The following POLR1D variants were observed in gnomAD, a reference collection of about 807,000 sequenced individuals.
POLR1D encodes the protein RNA polymerase I and III subunit D.
POLR1D carries 8 observed loss-of-function variants against 10.8 expected under a neutral mutation model. The observed-to-expected ratio is 0.74, with a 90% CI of 0.43 to 1.33. The LOEUF is 1.33. Ranked by LOEUF, POLR1D falls within the 40% of genes most tolerant of loss-of-function variation. The pLI is 0.01. For missense variants in POLR1D, 152 were observed against 161.7 expected (o/e 0.94, Z 0.32); for synonymous variants, 54 against 57.2 (o/e 0.94, Z 0.25).
rs559182772 is a variant in POLR1D at position 27,663,743 on chromosome 13, G to T, written c.102-1943G>T. Among the ~76,000 whole-genome samples, 1 of 152,108 alleles carries T rather than the reference G, an allele frequency of 6.6e-6. No homozygotes were observed. Among genetic ancestry groups the T allele is most frequent in the East Asian group, 1.9e-4 (1 of 5,146 alleles). Reference sequence around the variant, plus strand: ...GTACCCTTCCTTGTTGTTTAATGCAGAGAAGAACTGGCCAGTTTACCACCA... The same window carrying T: ...GTACCCTTCCTTGTTGTTTAATGCATAGAAGAACTGGCCAGTTTACCACCA... On this transcript the variant is annotated intron_variant, in intron 2 of 2. Transcript: ENST00000399697. This position sits in a 1 kb window ranked among gnomAD's most constrained non-coding sequence, Gnocchi z 4.1.
exon 3 of POLR1D, chr13:27,665,871 G>T (rs768190130): frequency 1.2e-6 from 2 of 1,614,142 alleles, no homozygotes; most frequent in Admixed American, 1.7e-5. Context: ...CACAGCTTCC[G>T]CGCTCGAGGT....
chr13:27,665,745 CATTGCCCTCTCATAAA>C lies in POLR1D; in HGVS notation c.162_177del (p.Leu55SerfsTer88). On this transcript the variant is annotated frameshift_variant, in exon 3 of 3. Transcript: ENST00000399697. LOFTEE classifies it low-confidence loss of function (END_TRUNC). ...TTTCTAATTAACACAATTAAAAACA[CATTGCCCTCTCATAAA>C]GAGCAAGACCATGAACAAAAAGAGG... 3 of 1,612,994 alleles carry C rather than the reference CATTGCCCTCTCATAAA, an allele frequency of 1.9e-6. No homozygotes were observed. The highest frequency in any genetic ancestry group is 2.5e-6 in the Non-Finnish European group (3 of 1,178,904).
At chr13:27,644,560 C>T (rs1332424986) in intron 1 of POLR1D, among the ~76,000 whole-genome samples, 1 of 152,174 alleles carries the variant, frequency 6.6e-6, no homozygotes, top group Non-Finnish European at 1.5e-5. Flanking sequence ...TGGTTTGTTC[C>T]TGTGCCCAGA....
intron 2 of POLR1D, among the ~76,000 whole-genome samples, chr13:27,657,551 T>C (rs561658128): frequency 6.6e-6 from 1 of 152,058 alleles, no homozygotes; most frequent in South Asian, 2.1e-4. Flanking sequence ...GAATAAAAAA[T>C]AAAAATACAC....
intron 1 of POLR1D, among the ~76,000 whole-genome samples, chr13:27,643,397 C>T (rs1346780751): frequency 6.6e-6 from 1 of 152,114 alleles, no homozygotes; most frequent in African/African-American, 2.4e-5. Context: ...ATACATGACC[C>T]CAGACAATCT....
chr13:27,628,200 A>G (rs1419672943), downstream of POLR1D, among the ~76,000 whole-genome samples: 1 of 152,208 alleles, frequency 6.6e-6, no homozygotes, highest in Non-Finnish European at 1.5e-5. Flanking sequence ...AGAAGAGGCG[A>G]TCAGGGCAGT....
chr13:27,637,002 C>T (rs913191452), intron 1 of POLR1D, among the ~76,000 whole-genome samples: 1 of 152,162 alleles, frequency 6.6e-6, no homozygotes, highest in Non-Finnish European at 1.5e-5. Flanking sequence ...GGCTCTAGAA[C>T]ATGCTTTCAC....
At chr13:27,660,241 T>A (rs1465870211) in intron 2 of POLR1D, among the ~76,000 whole-genome samples, 1 of 152,148 alleles carries the variant, frequency 6.6e-6, no homozygotes, top group Non-Finnish European at 1.5e-5. Flanking sequence ...ATAAAAAATA[T>A]TCCCCTTGTT....
chr13:27,622,912 G>T lies in POLR1D; in HGVS notation c.64G>T (p.Glu22Ter). The change falls in exon 2 of 2, where the codon GAG becomes TAG. Residue 22 changes from glutamate (E) to a stop codon, truncating the protein, a stop_gained. Coordinates refer to ENST00000302979, the MANE Select transcript of POLR1D (RefSeq NM_015972.4). LOFTEE classifies it high-confidence loss of function. Reference sequence around the variant, plus strand: ...ATTGAAGACCTCAATGGCTGAAGGCGAGAGGAAGACAGCCCTGGAAATGGT... The same window carrying T: ...ATTGAAGACCTCAATGGCTGAAGGCTAGAGGAAGACAGCCCTGGAAATGGT... ...SGLKTSMAEG[E>*]RKTALEMVQA... The T allele has an allele frequency of 6.2e-7, 1 of 1,611,230 alleles. No individual in the cohort carries two copies. The highest frequency in any genetic ancestry group is 8.5e-7 in the Non-Finnish European group (1 of 1,177,388).
rs528297415 is a variant in POLR1D, at chr13:27,659,925, T to TATATATAC, written c.102-5760_102-5759insTATATACA. On this transcript the variant is annotated intron_variant, in intron 2 of 2. Transcript: ENST00000399697. ...TCAGGTGTATATATATATATATATATACACACACATACACACACACACATA... is the reference window on the plus strand; with the variant it reads ...TCAGGTGTATATATATATATATATATATATATACACACACACATACACACACACACATA... Among the ~76,000 whole-genome samples, 74 of 149,484 alleles carry TATATATAC rather than the reference T, an allele frequency of 5.0e-4. 2 individuals are homozygous for TATATATAC. In the South Asian group the frequency reaches 6.1e-3, roughly 12 times the overall value.
intron 1 of POLR1D, among the ~76,000 whole-genome samples, chr13:27,637,687 T>C (rs1226576084): frequency 6.6e-6 from 1 of 152,186 alleles, no homozygotes; most frequent in African/African-American, 2.4e-5. Context: ...AATTACCTTG[T>C]CCTACTTAAT....
At chr13:27,623,473 A>G (rs540211866), downstream of POLR1D, 54 of 930,824 alleles carry the variant, frequency 5.8e-5, no homozygotes, top group Non-Finnish European at 7.7e-5. Context: ...TTTCTGTTCC[A>G]TGCAACCAAA....
At chr13:27,659,480 T>C (rs1214483380) in intron 2 of POLR1D, among the ~76,000 whole-genome samples, 1 of 152,176 alleles carries the variant, frequency 6.6e-6, no homozygotes, top group African/African-American at 2.4e-5. Context: ...CCTAAAGCCC[T>C]GGCTAGCGAA....
At chr13:27,632,074 T>G (rs1219511495) in intron 1 of POLR1D, among the ~76,000 whole-genome samples, 1 of 152,188 alleles carries the variant, frequency 6.6e-6, no homozygotes, top group Non-Finnish European at 1.5e-5. Context: ...TTCATTTTTG[T>G]CTTCTCTGTG....
intron 1 of POLR1D, among the ~76,000 whole-genome samples, chr13:27,638,311 T>C (rs899052473): frequency 2.6e-5 from 4 of 152,232 alleles, no homozygotes; most frequent in South Asian, 4.1e-4. Context: ...TCCCATCTCA[T>C]TGTGTATTGC....
rs1319630635 is a variant in POLR1D at position 27,622,026 on chromosome 13, A to C, written c.26+17A>C. ...GCTGGAGAGGTAACGGCCGAGGAGG[A>C]GGCGGGCGGAGCGGGCCGCGCCCAA... On this transcript the variant is annotated intron_variant, in intron 1 of 1. Coordinates refer to ENST00000302979, the MANE Select transcript of POLR1D (RefSeq NM_015972.4). 4 of 1,575,770 alleles carry C rather than the reference A, an allele frequency of 2.5e-6. No homozygotes were observed. The highest frequency in any genetic ancestry group is 3.4e-6 in the Non-Finnish European group (4 of 1,160,948).
intron 1 of POLR1D, among the ~76,000 whole-genome samples, chr13:27,630,000 C>G (rs1193082718): frequency 6.6e-6 from 1 of 152,186 alleles, no homozygotes; most frequent in Non-Finnish European, 1.5e-5. Context: ...CAACCTCCGC[C>G]TCCTGGGTTC....
rs984318700 is a variant in POLR1D at position 27,663,898 on chromosome 13, C to G, written c.102-1788C>G. The stretch of plus-strand genomic sequence containing the variant: ...ATTTGTCTATAAAAAAGATTTTGCT[C>G]TTGTAGTAAGCACCAGGCCACCATT... On this transcript the variant is annotated intron_variant, in intron 2 of 2. Transcript: ENST00000399697. The surrounding 1 kb of genome is among the most constrained non-coding windows in gnomAD (Gnocchi z 4.1). 1.3e-5 allele frequency among the ~76,000 whole-genome samples: 2 copies of G among 152,190 alleles called. No individual in the cohort carries two copies. The highest frequency in any genetic ancestry group is 4.8e-5 in the African/African-American group (2 of 41,442).
In POLR1D at chr13:27,647,008, T is replaced by C. The variant is rs534966652; in HGVS notation, c.27-1371T>C. Among the ~76,000 whole-genome samples the C allele has an allele frequency of 5.1e-4, 77 of 152,340 alleles. 1 individual carries two copies. In the South Asian group the frequency reaches 7.5e-3, roughly 15 times the overall value. On this transcript the variant is annotated intron_variant, in intron 1 of 2. Transcript: ENST00000399697. ...ACATTTTAATATAGACTCTATATAA[T>C]TATCCAGCTTCAAAAATTCATGATT...
Sources: gnomAD v4.1 joint callset for allele counts (sites outside exome capture counted in the v4.1 genomes callset) on GRCh38, gnomAD v4.1.1 for gene constraint, Gnocchi (gnomAD v3.1) non-coding constraint, MANE v1.5 for transcripts, NCBI Gene and HGNC (gene_info 2026-07-23, HGNC 2026-07-21) for gene names.